Variants in TULP4 observed in about 807,000 individuals in gnomAD.
The protein encoded by TULP4 is tubby-related protein 4.
Under a neutral mutation model 129.0 loss-of-function variants are expected in TULP4, and 16 were observed. The ratio of observed to expected loss-of-function variants is 0.12; its 90% CI spans 0.08 to 0.19. The LOEUF (loss-of-function observed/expected upper bound fraction) is 0.19, where lower values mean the gene tolerates loss of function less well. Ranked by LOEUF, TULP4 falls within the 10% of genes least tolerant of loss-of-function variation. The pLI is 1.00. For synonymous variants in TULP4, 998 were observed against 854.0 expected, an observed-to-expected ratio of 1.17 and a Z score of -2.94; for missense variants, 1,842 against 2,059.1, an observed-to-expected ratio of 0.89 and a Z score of 2.04.
chr6:158,404,906 T>C (rs141931326), intron 1 of TULP4, among the ~76,000 whole-genome samples: 5 of 152,294 alleles, frequency 3.3e-5, no homozygotes, highest in African/African-American at 1.2e-4. Flanking sequence ...TGGTGATATT[T>C]TAAGCCGAAT....
intron 1 of TULP4, among the ~76,000 whole-genome samples, chr6:158,342,947 ATGTGTGTGTGTGTGTGTG>A (rs5881254): frequency 6.1e-5 from 9 of 147,634 alleles, no homozygotes; most frequent in African/African-American, 1.3e-4. Context: ...TTAAAAATAA[ATGTGTGTGTGTGTGTGTG>A]TGTGTGTGTG....
chr6:158,388,671 C>T (rs547888245), intron 1 of TULP4, among the ~76,000 whole-genome samples: 1 of 145,528 alleles, frequency 6.9e-6, no homozygotes, highest in Non-Finnish European at 1.5e-5. Flanking sequence ...AAAAAAAATG[C>T]CTGCATCATA....
intron 1 of TULP4, among the ~76,000 whole-genome samples, chr6:158,330,072 C>G (rs1779842327): frequency 6.6e-6 from 1 of 152,134 alleles, no homozygotes; most frequent in Non-Finnish European, 1.5e-5. Flanking sequence ...TATACTTTAA[C>G]TCAATATATC....
chr6:158,332,219 A>G (rs919835586), intron 1 of TULP4, among the ~76,000 whole-genome samples: 6 of 140,016 alleles, frequency 4.3e-5, no homozygotes, highest in African/African-American at 1.3e-4. Context: ...ATATATATAT[A>G]TATATATATA....
At chr6:158,273,244 G>A (rs1469510673) in intron 1 of TULP4, among the ~76,000 whole-genome samples, 2 of 152,152 alleles carry the variant, frequency 1.3e-5, no homozygotes, top group African/African-American at 2.4e-5. Flanking sequence ...CTTTCTGCAG[G>A]CCCTCTCTTT....
intron 1 of TULP4, among the ~76,000 whole-genome samples, chr6:158,301,786 CAG>C (rs1472022451): frequency 3.3e-5 from 5 of 152,172 alleles, no homozygotes; most frequent in Admixed American, 1.3e-4. Context: ...AGTGAAGCCT[CAG>C]GGGTGAAAGT....
At chr6:158,268,323 G>C (rs1036902211) in intron 1 of TULP4, among the ~76,000 whole-genome samples, 1 of 152,182 alleles carries the variant, frequency 6.6e-6, no homozygotes, top group South Asian at 2.1e-4. Flanking sequence ...ACAGGTGTGA[G>C]CCACTGCACC....
At chr6:158,296,096 A>G (rs755817985) in intron 1 of TULP4, among the ~76,000 whole-genome samples, 6 of 152,168 alleles carry the variant, frequency 3.9e-5, no homozygotes, top group Non-Finnish European at 7.3e-5. Context: ...ATTGATTCAT[A>G]TTATAGGTAT....
At chr6:158,281,053 A>T (rs1778741038), upstream of TULP4, among the ~76,000 whole-genome samples, 1 of 152,196 alleles carries the variant, frequency 6.6e-6, no homozygotes, top group Non-Finnish European at 1.5e-5. Context: ...TGAATGGATT[A>T]TGACAGGGGG....
Position 158,283,150 on chromosome 6 carries a change from A to C in TULP4, n.116+772A>C, listed in dbSNP as rs541190704. 4.0e-5 allele frequency among the ~76,000 whole-genome samples: 6 copies of C among 148,814 alleles called. No individual in the cohort carries two copies. In the South Asian group the frequency reaches 1.0e-3, roughly 26 times the overall value. ...CAAGACTCCGTCTCAAAAAAAAAAA[A>C]ACAAAAAAAAACCCTATAAAGACGT... On this transcript the variant is annotated intron_variant and non_coding_transcript_variant, in intron 1 of 1. Transcript: ENST00000432358.
At chr6:158,370,964 C>G (rs2795828) in intron 1 of TULP4, among the ~76,000 whole-genome samples, 72,732 of 152,122 alleles carry the variant, frequency 0.48, 17,924 homozygotes, top group African/African-American at 0.59. Context: ...CACTGCACTC[C>G]TGCATCCTGC....
In TULP4 at chr6:158,507,422, G is replaced by C. The variant is rs1407300275; in HGVS notation, c.*728G>C. 1.3e-5 allele frequency: 2 copies of C among 152,378 alleles called. No homozygotes were observed. Among genetic ancestry groups the C allele is most frequent in the Non-Finnish European group, 2.9e-5 (2 of 68,176 alleles). 9.4% of individuals were successfully genotyped at this position (152,378 alleles called of 1,614,324 possible). A position where few individuals can be genotyped will look rare whatever the true frequency, so the allele number is the denominator to read the frequency against. On this transcript the variant is annotated 3_prime_UTR_variant, in exon 14 of 14. Coordinates refer to ENST00000367097, the MANE Select transcript of TULP4 (RefSeq NM_020245.5). The stretch of plus-strand genomic sequence containing the variant: ...ACTCAGCGTGTGACTTGTAGCAGCA[G>C]TACGAGGGCTACACTCCTCTGCTGA...
At chr6:158,346,391 C>A (rs1025116808) in intron 1 of TULP4, among the ~76,000 whole-genome samples, 3 of 152,244 alleles carry the variant, frequency 2.0e-5, no homozygotes, top group Non-Finnish European at 4.4e-5. Context: ...GGGTCCCTGA[C>A]TTCCTGCAAT....
At chr6:158,274,270 A>C (rs2128463205) in intron 1 of TULP4, among the ~76,000 whole-genome samples, 1 of 151,666 alleles carries the variant, frequency 6.6e-6, no homozygotes, top group African/African-American at 2.4e-5. Flanking sequence ...AAAAACAAAA[A>C]CAAAACAAAA....
intron 1 of TULP4, among the ~76,000 whole-genome samples, chr6:158,355,897 G>A (rs1780636964): frequency 6.6e-6 from 1 of 152,206 alleles, no homozygotes; most frequent in Non-Finnish European, 1.5e-5. Flanking sequence ...GGACATGGGT[G>A]ACCACACATA....
At chr6:158,433,531 G>A (rs1378208336) in intron 3 of TULP4, among the ~76,000 whole-genome samples, 3 of 152,112 alleles carry the variant, frequency 2.0e-5, no homozygotes, top group African/African-American at 7.2e-5. Flanking sequence ...TGGCTAACAC[G>A]GTGAAACCCG....
intron 1 of TULP4, among the ~76,000 whole-genome samples, chr6:158,240,338 C>CG (rs1554272970): frequency 3.8e-5 from 3 of 78,074 alleles, no homozygotes; most frequent in East Asian, 5.2e-4. Context: ...GCTGGCCGGG[C>CG]GGGGGGCTGA....
intron 1 of TULP4, chr6:158,237,783 C>A: frequency 3.8e-6 from 3 of 781,708 alleles, no homozygotes; most frequent in Middle Eastern, 4.7e-4. Flanking sequence ...TTTCAAGAGC[C>A]TCAACATCTA....
At chr6:158,492,632 C>A (rs570622907) in intron 9 of TULP4, among the ~76,000 whole-genome samples, 2 of 152,280 alleles carry the variant, frequency 1.3e-5, no homozygotes, top group Admixed American at 1.3e-4. Flanking sequence ...TGTCCTTTCC[C>A]CATTTGGACC....
Sources: gnomAD v4.1 joint callset for allele counts (sites outside exome capture counted in the v4.1 genomes callset) on GRCh38, gnomAD v4.1.1 for gene constraint, MANE v1.5 for transcripts, NCBI Gene and HGNC (gene_info 2026-07-23, HGNC 2026-07-21) for gene names.